Variants in MECOM observed in about 807,000 individuals in gnomAD.
MECOM encodes the protein histone-lysine N-methyltransferase MECOM.
Under a neutral mutation model 116.3 loss-of-function variants are expected in MECOM, and 13 were observed. The ratio of observed to expected loss-of-function variants is 0.11; its 90% confidence interval spans 0.07 to 0.18. The LOEUF is 0.18. Ranked by LOEUF, MECOM falls within the 10% of genes least tolerant of loss-of-function variation. The pLI, the probability that MECOM is intolerant of heterozygous loss-of-function variation, is 1.00. For synonymous variants in MECOM, 528 were observed against 535.2 expected, an observed-to-expected ratio of 0.99 and a Z score of 0.19; for missense variants, 1,299 against 1,509.0, an observed-to-expected ratio of 0.86 and a Z score of 2.31.
intron 1 of MECOM, among the ~76,000 whole-genome samples, chr3:169,402,117 T>C (rs1443565283): frequency 6.6e-6 from 1 of 151,988 alleles, no homozygotes; most frequent in Non-Finnish European, 1.5e-5. Context: ...GGGAGAGATT[T>C]AGGAAGTAAA....
chr3:169,508,516 TCACA>T (rs34557610), intron 1 of MECOM, among the ~76,000 whole-genome samples: 2 of 150,828 alleles, frequency 1.3e-5, no homozygotes, highest in African/African-American at 4.9e-5. Context: ...ACATACACAC[TCACA>T]CACACACACA....
intron 1 of MECOM, among the ~76,000 whole-genome samples, chr3:169,472,424 G>T (rs541849150): frequency 7.4e-6 from 1 of 135,878 alleles, no homozygotes; most frequent in East Asian, 2.1e-4. Flanking sequence ...GGAGAGGAAA[G>T]GAAAGGAAAG....
rs779455664 is a variant in MECOM at position 169,381,501 on chromosome 3, A to T, written c.61T>A (p.Tyr21Asn). 1 of 1,610,926 alleles carries T rather than the reference A, an allele frequency of 6.2e-7. No individual in the cohort carries two copies. Among genetic ancestry groups the T allele is most frequent in the South Asian group, 1.1e-5 (1 of 90,672 alleles). The change falls in exon 2 of 17, where the codon TAC becomes AAC. Residue 21 changes from tyrosine to asparagine, a missense_variant. Tyr to Asn is a moderately radical substitution (Grantham distance 143). Around this residue, in one of 6 missense-constraint regions of MECOM, gnomAD observed 374 missense variants for 433.4 expected, o/e 0.86. Coordinates refer to ENST00000651503, the MANE Select transcript of MECOM (RefSeq NM_004991.4). ...ATNNECVYGNYPEIPLEEMPD... is the reference protein window; with the variant it reads ...ATNNECVYGNNPEIPLEEMPD... ...ATTTCTTCCAAAGGTATTTCAGGGT[A>T]GTTGCCATATACACACTCATTATCT... is the stretch of plus-strand genomic sequence containing the variant.
chr3:169,258,160 C>T (rs1255920987), intron 2 of MECOM, among the ~76,000 whole-genome samples: 1 of 152,050 alleles, frequency 6.6e-6, no homozygotes, highest in Non-Finnish European at 1.5e-5. Context: ...ACAGAGGTTG[C>T]ACTGAGCCAA....
At chr3:169,361,595 T>G (rs1728310985) in intron 2 of MECOM, among the ~76,000 whole-genome samples, 1 of 151,836 alleles carries the variant, frequency 6.6e-6, no homozygotes. Flanking sequence ...TCACAAAAAT[T>G]CTATGAGGTA....
chr3:169,448,017 TGTA>T (rs1744937169), intron 1 of MECOM: 1 of 152,262 alleles, frequency 6.6e-6, no homozygotes, highest in South Asian at 2.1e-4. Context: ...TGATCAGATC[TGTA>T]GTTTGGAAAT....
At chr3:169,133,965 C>A in intron 3 of MECOM, 1 of 1,289,324 alleles carries the variant, frequency 7.8e-7, no homozygotes, top group Non-Finnish European at 1.0e-6. Context: ...TTTCCAACAA[C>A]ATGTTGACAT....
At chr3:169,568,083 G>A (rs1317657275) in intron 1 of MECOM, among the ~76,000 whole-genome samples, 1 of 152,148 alleles carries the variant, frequency 6.6e-6, no homozygotes, top group Non-Finnish European at 1.5e-5. Context: ...GCAGAAGCAG[G>A]ATGGGGCGTC....
intron 1 of MECOM, among the ~76,000 whole-genome samples, chr3:169,413,709 T>C (rs544215818): frequency 1.2e-4 from 18 of 152,216 alleles, no homozygotes; most frequent in African/African-American, 4.3e-4. Flanking sequence ...GGGGGAGGGA[T>C]GTCTGCCATT....
At chr3:169,162,472 T>C (rs561982424) in intron 2 of MECOM, among the ~76,000 whole-genome samples, 8 of 152,188 alleles carry the variant, frequency 5.3e-5, no homozygotes, top group African/African-American at 1.9e-4. Flanking sequence ...GGGAGATGGA[T>C]AAAGGATGGC....
intron 2 of MECOM, among the ~76,000 whole-genome samples, chr3:169,262,260 G>A (rs113566877): frequency 6.6e-6 from 1 of 152,108 alleles, no homozygotes; most frequent in African/African-American, 2.4e-5. Flanking sequence ...CACATATTTT[G>A]GTATTTGATT....
At chr3:169,362,610 A>G (rs1728486934) in intron 2 of MECOM, among the ~76,000 whole-genome samples, 1 of 151,954 alleles carries the variant, frequency 6.6e-6, no homozygotes, top group African/African-American at 2.4e-5. Context: ...TTTTACAGAA[A>G]TCTATTTGCA....
At chr3:169,488,112 G>A (rs770640656) in intron 1 of MECOM, among the ~76,000 whole-genome samples, 2 of 151,942 alleles carry the variant, frequency 1.3e-5, no homozygotes, top group African/African-American at 4.8e-5. Flanking sequence ...AATTATAATG[G>A]CAAATTTCAA....
intron 2 of MECOM, among the ~76,000 whole-genome samples, chr3:169,259,645 C>G (rs1281688749): frequency 6.6e-6 from 1 of 152,174 alleles, no homozygotes; most frequent in South Asian, 2.1e-4. Flanking sequence ...AGGTGGATCA[C>G]AGGACCCCAG....
At chr3:169,367,337 ATTTGGTTTTTAATTTTTTT>A (rs1195254134) in intron 2 of MECOM, among the ~76,000 whole-genome samples, 15 of 129,150 alleles carry the variant, frequency 1.2e-4, no homozygotes, top group Admixed American at 1.1e-3. Context: ...AAAAGATGTG[ATTTGGTTTTTAATTTTTTT>A]TTTGTGGGGG....
intron 2 of MECOM, among the ~76,000 whole-genome samples, chr3:169,176,390 G>A (rs1000755997): frequency 3.9e-5 from 6 of 152,118 alleles, no homozygotes; most frequent in African/African-American, 1.2e-4. Flanking sequence ...TCAATAAATG[G>A]TGCTGGGAAA....
intron 3 of MECOM, among the ~76,000 whole-genome samples, chr3:169,135,059 A>G (rs1162680904): frequency 1.3e-5 from 2 of 152,106 alleles, no homozygotes; most frequent in African/African-American, 4.8e-5. Flanking sequence ...ATAGAGTTAT[A>G]ATGTCTTTAA....
chr3:169,516,778 C>T (rs997175147), intron 1 of MECOM, among the ~76,000 whole-genome samples: 1 of 152,168 alleles, frequency 6.6e-6, no homozygotes, highest in African/African-American at 2.4e-5. Context: ...GAGCGTCTTC[C>T]TGGGGAATTC....
At position 169,611,939 on chromosome 3, in the gene MECOM, G is replaced by A. The variant is rs1210607211; in HGVS notation, c.37+51397C>T. ...TAAATCTCAACGCTATTGACATTTT[G>A]AGCCAGATAATTCTTTGTGATGGGG... On this transcript the variant is annotated intron_variant, in intron 1 of 16. Transcript: ENST00000651503. The surrounding 1 kb of genome is among the most constrained non-coding windows in gnomAD (Gnocchi z 4.1). Among the ~76,000 whole-genome samples the A allele has an allele frequency of 6.6e-6, 1 of 152,144 alleles. No individual in the cohort carries two copies. Among genetic ancestry groups the A allele is most frequent in the East Asian group, 1.9e-4 (1 of 5,192 alleles).
Sources: gnomAD v4.1 joint callset for allele counts (sites outside exome capture counted in the v4.1 genomes callset) on GRCh38, gnomAD v4.1.1 for gene constraint, gnomAD v4.1.1 regional missense constraint, Gnocchi (gnomAD v3.1) non-coding constraint, MANE v1.5 for transcripts, NCBI Gene and HGNC (gene_info 2026-07-23, HGNC 2026-07-21) for gene names.